The following PARG variants were observed in gnomAD, a reference collection of about 807,000 sequenced individuals.
The protein encoded by PARG is poly(ADP-ribose) glycohydrolase.
A neutral mutation model predicts 113.0 loss-of-function variants in PARG; 35 were observed. The ratio of observed to expected loss-of-function variants is 0.31; its 90% CI spans 0.24 to 0.41. The LOEUF (loss-of-function observed/expected upper bound fraction) is 0.41. Among genes scored for constraint, PARG ranks in the 10% least tolerant of loss-of-function variants. The probability of loss-of-function intolerance (pLI) is 1.00; values close to 1 mark genes in which losing one functional copy is unlikely to be tolerated. For missense variants in PARG, 797 were observed against 1,169.4 expected (o/e 0.68, Z 4.64); for synonymous variants, 330 against 409.9 (o/e 0.81, Z 2.36).
rs1845126381 is a variant in PARG at position 49,839,627 on chromosome 10, T to C, written c.2541+2323A>G. 2.0e-5 allele frequency among the ~76,000 whole-genome samples: 3 copies of C among 152,244 alleles called. No individual in the cohort carries two copies. In the South Asian group the frequency reaches 6.2e-4, roughly 31 times the overall value. On this transcript the variant is annotated intron_variant, in intron 15 of 17. Coordinates refer to ENST00000616448, the MANE Select transcript of PARG (RefSeq NM_003631.5). ...GGATGGGCAAACTGAAGGTTGGTGA[T>C]ACACAAGTAAGTGCAGAGAGAATCA...
chr10:49,868,741 T>C (rs1846644956), intron 10 of PARG, among the ~76,000 whole-genome samples: 1 of 152,120 alleles, frequency 6.6e-6, no homozygotes, highest in Non-Finnish European at 1.5e-5. Flanking sequence ...CCATTGATAA[T>C]AGCTTACATT....
At chr10:49,912,269 C>T (rs1327355089) in intron 7 of PARG, among the ~76,000 whole-genome samples, 7 of 152,120 alleles carry the variant, frequency 4.6e-5, no homozygotes, top group African/African-American at 1.7e-4. Flanking sequence ...CATTGCACTC[C>T]AGCCTGGGCA....
chr10:49,925,538 C>G (rs1554850339), intron 4 of PARG, among the ~76,000 whole-genome samples: 2 of 152,210 alleles, frequency 1.3e-5, no homozygotes, highest in African/African-American at 4.8e-5. Context: ...GCCTGACCAC[C>G]TTGGGCACAT....
At chr10:49,920,472 A>C in intron 6 of PARG, among the ~76,000 whole-genome samples, 1 of 76,358 alleles carries the variant, frequency 1.3e-5, no homozygotes, top group South Asian at 3.7e-4. Context: ...AAATATATAT[A>C]TATATATATA....
intron 4 of PARG, among the ~76,000 whole-genome samples, chr10:49,928,908 A>G (rs529173759): frequency 1.4e-4 from 22 of 152,368 alleles, no homozygotes; most frequent in African/African-American, 5.3e-4. Flanking sequence ...ATATCTTATT[A>G]TCATATTCAG....
At chr10:49,896,761 A>G (rs1411017240) in intron 7 of PARG, among the ~76,000 whole-genome samples, 1 of 152,204 alleles carries the variant, frequency 6.6e-6, no homozygotes, top group African/African-American at 2.4e-5. Flanking sequence ...ATTTGCTAAT[A>G]TTTTATAAAA....
rs546543204 is a variant in PARG at position 49,922,622 on chromosome 10, A to T, written c.1503T>A (p.His501Gln). 13 of 1,595,298 alleles carry T rather than the reference A, an allele frequency of 8.1e-6. No homozygotes were observed. The highest frequency in any genetic ancestry group is 7.9e-5 in the South Asian group (7 of 88,164). Residue 501 changes from histidine to glutamine, a missense_variant, in exon 5 of 18, where the codon CAT becomes CAA. Physicochemically the swap from His to Gln is conservative, Grantham distance 24. Around this residue, in one of 5 missense-constraint regions of PARG, gnomAD observed 252 missense variants for 437.4 expected, o/e 0.58. Transcript: ENST00000616448. ...AGEVPKPFPT[H>Q]YKDLWDNKHV... ...GCTTGTTATCCCACAAATCTTTATA[A>T]TGTGTTGGAAAAGGTTTAGGAACTT...
At chr10:49,849,530 CAATT>C (rs879997971) in intron 13 of PARG, among the ~76,000 whole-genome samples, 12 of 150,858 alleles carry the variant, frequency 8.0e-5, no homozygotes, top group African/African-American at 1.7e-4. Flanking sequence ...TTTCAAAACT[CAATT>C]AAAACAAAAA....
At chr10:49,918,932 ATAGT>A (rs1450200052) in intron 6 of PARG, among the ~76,000 whole-genome samples, 2 of 152,062 alleles carry the variant, frequency 1.3e-5, no homozygotes, top group Non-Finnish European at 2.9e-5. Flanking sequence ...TTAAAACACT[ATAGT>A]TATTCTTTTT....
intron 16 of PARG, among the ~76,000 whole-genome samples, chr10:49,829,936 C>T (rs969598752): frequency 7.9e-5 from 12 of 151,332 alleles, no homozygotes; most frequent in African/African-American, 2.7e-4. Context: ...TTTTTAGCAT[C>T]ATAGTTTAGT....
intron 7 of PARG, chr10:49,910,017 T>C (rs1554845823): frequency 1.3e-5 from 2 of 151,438 alleles, no homozygotes; most frequent in East Asian, 1.9e-4. Flanking sequence ...AAAATTTAAA[T>C]GACAGAAACA....
intron 4 of PARG, among the ~76,000 whole-genome samples, chr10:49,928,056 A>T (rs1554851146): frequency 1.3e-5 from 2 of 151,916 alleles, no homozygotes; most frequent in African/African-American, 4.8e-5. Flanking sequence ...TGATCACCTG[A>T]GGTCAGGAGT....
At chr10:49,941,470 G>A (rs1839064269) in intron 1 of PARG, 39 bp downstream of exon 1, 1 of 1,434,080 alleles carries the variant, frequency 7.0e-7, no homozygotes, top group Non-Finnish European at 9.6e-7. Flanking sequence ...GAAGGTTCGG[G>A]CCGAGGCGAA....
At chr10:49,920,461 AAAAT>A (rs1455737264) in intron 6 of PARG, among the ~76,000 whole-genome samples, 1 of 48,334 alleles carries the variant, frequency 2.1e-5, no homozygotes, top group South Asian at 6.5e-4. Flanking sequence ...TAAAAAAAAA[AAAAT>A]ATATATATAT....
At chr10:49,828,110 A>AC (rs1844461127) in intron 16 of PARG, among the ~76,000 whole-genome samples, 1 of 148,050 alleles carries the variant, frequency 6.8e-6, no homozygotes, top group Non-Finnish European at 1.5e-5. Flanking sequence ...AAAAAAAAAA[A>AC]AAAAAAAAAA....
chr10:49,839,770 A>C (rs959000687), intron 15 of PARG, among the ~76,000 whole-genome samples: 2 of 152,356 alleles, frequency 1.3e-5, no homozygotes, highest in South Asian at 2.1e-4. Context: ...TATATGTGGG[A>C]GTATACAGTT....
intron 16 of PARG, among the ~76,000 whole-genome samples, chr10:49,826,650 T>C (rs984575903): frequency 6.6e-6 from 1 of 152,248 alleles, no homozygotes; most frequent in South Asian, 2.1e-4. Flanking sequence ...AATATACATA[T>C]GTCATGGAAA....
intron 8 of PARG, among the ~76,000 whole-genome samples, chr10:49,881,204 A>G (rs1446343501): frequency 6.6e-6 from 1 of 152,102 alleles, no homozygotes; most frequent in African/African-American, 2.4e-5. Context: ...CCCCCTTTAC[A>G]TGTATTGATT....
chr10:49,890,064 T>C (rs113583688), intron 7 of PARG, among the ~76,000 whole-genome samples: 56 of 152,244 alleles, frequency 3.7e-4, no homozygotes, highest in African/African-American at 1.0e-3. Flanking sequence ...GAGCCATTGG[T>C]CAAATCTTCC....
Sources: gnomAD v4.1 joint callset for allele counts (sites outside exome capture counted in the v4.1 genomes callset) on GRCh38, gnomAD v4.1.1 for gene constraint, gnomAD v4.1.1 regional missense constraint, MANE v1.5 for transcripts, NCBI Gene and HGNC (gene_info 2026-07-23, HGNC 2026-07-21) for gene names.